The following TMEM132C variants were observed in gnomAD, a reference collection of about 807,000 sequenced individuals.
TMEM132C encodes the protein transmembrane protein 132C.
In TMEM132C, 29 loss-of-function variants were observed where a neutral mutation model predicts 61.4. The observed-to-expected ratio is 0.47, with a 90% CI of 0.35 to 0.64. TMEM132C has a LOEUF of 0.64. Among genes scored for constraint, TMEM132C ranks in the 30% least tolerant of loss-of-function variants. The pLI, the probability that TMEM132C is intolerant of heterozygous loss-of-function variation, is 0.00. For missense variants in TMEM132C, 1,408 were observed against 1,476.9 expected (o/e 0.95, Z 0.76); for synonymous variants, 656 against 633.1 (o/e 1.04, Z -0.54).
chr12:128,515,073 A>C (rs919831512), intron 2 of TMEM132C, among the ~76,000 whole-genome samples: 2 of 152,240 alleles, frequency 1.3e-5, no homozygotes, highest in South Asian at 4.1e-4. Context: ...TCCCTAGCAT[A>C]TTGGACAAGT....
intron 1 of TMEM132C, among the ~76,000 whole-genome samples, chr12:128,304,126 CGTGA>C (rs1871682290): frequency 6.6e-6 from 1 of 152,202 alleles, no homozygotes; most frequent in Non-Finnish European, 1.5e-5. Context: ...TACACAAGTT[CGTGA>C]GTAACAAAAA....
chr12:128,415,831 G>C lies in TMEM132C; in HGVS notation c.974+211G>C, dbSNP rs994420581. On this transcript the variant is annotated intron_variant, in intron 2 of 8. Coordinates refer to ENST00000435159, the MANE Select transcript of TMEM132C (RefSeq NM_001136103.3). This position sits in a 1 kb window ranked among gnomAD's most constrained non-coding sequence, Gnocchi z 5.8. ...GTTATGGAGGGAAGAAGAGGCAAAG[G>C]GCGGGCAGAAATTATTTCCAAAAGG... Among the ~76,000 whole-genome samples the C allele has an allele frequency of 6.6e-6, 1 of 152,118 alleles. No homozygotes were observed. Among genetic ancestry groups the C allele is most frequent in the Non-Finnish European group, 1.5e-5 (1 of 68,014 alleles).
At chr12:128,436,476 G>A (rs1213700093) in intron 2 of TMEM132C, among the ~76,000 whole-genome samples, 1 of 152,198 alleles carries the variant, frequency 6.6e-6, no homozygotes, top group Non-Finnish European at 1.5e-5. Flanking sequence ...CCATCAAAAA[G>A]TGGGCAAAGG....
chr12:128,408,732 G>A (rs528716108), intron 1 of TMEM132C, among the ~76,000 whole-genome samples: 3 of 152,218 alleles, frequency 2.0e-5, no homozygotes, highest in Non-Finnish European at 2.9e-5. Context: ...AGAGGGAGGC[G>A]AATGTGCCCT....
chr12:128,621,684 G>A (rs979773291), intron 4 of TMEM132C, among the ~76,000 whole-genome samples: 5 of 152,160 alleles, frequency 3.3e-5, no homozygotes, highest in African/African-American at 7.2e-5. Context: ...TCATCTGCCC[G>A]GCCTGATGTG....
At chr12:128,347,618 G>GGGTT (rs1873209342) in intron 1 of TMEM132C, among the ~76,000 whole-genome samples, 1 of 152,178 alleles carries the variant, frequency 6.6e-6, no homozygotes, top group Admixed American at 6.5e-5. Flanking sequence ...AGTAGAGACA[G>GGGTT]GGTTTCTCCA....
intron 3 of TMEM132C, among the ~76,000 whole-genome samples, chr12:128,602,029 A>G (rs1337525363): frequency 6.6e-6 from 1 of 152,092 alleles, no homozygotes; most frequent in Non-Finnish European, 1.5e-5. Context: ...CAATGTACCG[A>G]GACCCTCTCT....
chr12:128,475,172 A>G (rs1190613086), intron 2 of TMEM132C, among the ~76,000 whole-genome samples: 1 of 152,146 alleles, frequency 6.6e-6, no homozygotes, highest in Non-Finnish European at 1.5e-5. Context: ...TGGGGAGGTC[A>G]GGTTACAGCC....
chr12:128,346,055 A>T lies in TMEM132C; in HGVS notation c.86-68677A>T, dbSNP rs75412224. 5.0e-3 allele frequency among the ~76,000 whole-genome samples: 766 copies of T among 152,162 alleles called. 6 individuals are homozygous for T. The highest frequency in any genetic ancestry group is 0.018 in the African/African-American group (729 of 41,486). ...TAAGTCTTTAATCCATCTTGAGTTA[A>T]TTTTTGTATATGGTATCCTTTGTAT... is the stretch of plus-strand genomic sequence containing the variant. On this transcript the variant is annotated intron_variant, in intron 1 of 8. Transcript: ENST00000435159.
chr12:128,502,670 ATC>A (rs1357742824), intron 2 of TMEM132C, among the ~76,000 whole-genome samples: 1 of 152,214 alleles, frequency 6.6e-6, no homozygotes, highest in Non-Finnish European at 1.5e-5. Context: ...AAGTGAAGAC[ATC>A]GGCAATTGGC....
Position 128,358,054 on chromosome 12 carries a change from A to G in TMEM132C, c.86-56678A>G, listed in dbSNP as rs1030029001. ...TCCCATCCCTGCATTGAGTCATTCA[A>G]TCTGTGGGGAGAGACCCCTGTGAGC... On this transcript the variant is annotated intron_variant, in intron 1 of 8. Transcript: ENST00000435159. Among the ~76,000 whole-genome samples the G allele has an allele frequency of 4.6e-5, 7 of 152,094 alleles. No homozygotes were observed. The South Asian group carries it at 6.2e-4, about 14-fold the overall frequency.
Position 128,669,337 on chromosome 12 carries a change from G to A in TMEM132C, c.1306-80G>A, listed in dbSNP as rs1196694721. 7 of 1,494,198 alleles carry A rather than the reference G, an allele frequency of 4.7e-6. No individual in the cohort carries two copies. In the African/African-American group the frequency reaches 8.3e-5, roughly 18 times the overall value. 92.6% of individuals were successfully genotyped at this position (1,494,198 alleles called of 1,614,324 possible). ...AAGGACAGCCTGGTGTTTACCCTGG[G>A]AGATTCCCCCTAGAATTGTCCAGTT... On this transcript the variant is annotated intron_variant, in intron 4 of 8. Transcript: ENST00000435159.
intron 2 of TMEM132C, among the ~76,000 whole-genome samples, chr12:128,435,569 C>T (rs1869561559): frequency 6.6e-6 from 1 of 152,070 alleles, no homozygotes; most frequent in Non-Finnish European, 1.5e-5. Context: ...GAATAAAATA[C>T]CTAGGAATCC....
At chr12:128,626,107 G>A (rs906118470) in intron 4 of TMEM132C, among the ~76,000 whole-genome samples, 1 of 150,922 alleles carries the variant, frequency 6.6e-6, no homozygotes, top group Non-Finnish European at 1.5e-5. Flanking sequence ...TTGAATTTTG[G>A]TAACTGCATT....
At chr12:128,404,090 C>T (rs1238011077) in intron 1 of TMEM132C, among the ~76,000 whole-genome samples, 1 of 152,182 alleles carries the variant, frequency 6.6e-6, no homozygotes, top group Non-Finnish European at 1.5e-5. Flanking sequence ...CTGCAGACGT[C>T]ACCAAGTGTT....
At chr12:128,430,422 A>G (rs958890699) in intron 2 of TMEM132C, among the ~76,000 whole-genome samples, 22 of 152,222 alleles carry the variant, frequency 1.4e-4, no homozygotes, top group African/African-American at 5.1e-4. Flanking sequence ...TTGATTTGCA[A>G]ACATAATGAG....
At chr12:128,427,885 C>A (rs945732875) in intron 2 of TMEM132C, among the ~76,000 whole-genome samples, 1 of 152,216 alleles carries the variant, frequency 6.6e-6, no homozygotes, top group Non-Finnish European at 1.5e-5. Flanking sequence ...ATGAAGGCTT[C>A]TTTCTGTTGA....
intron 3 of TMEM132C, among the ~76,000 whole-genome samples, chr12:128,597,040 G>A (rs948485837): frequency 2.0e-5 from 3 of 152,180 alleles, no homozygotes; most frequent in East Asian, 1.9e-4. Flanking sequence ...CCCCCTAGAA[G>A]TGAGTTTCCT....
intron 8 of TMEM132C, among the ~76,000 whole-genome samples, chr12:128,703,883 T>C (rs185674801): frequency 9.1e-4 from 139 of 152,350 alleles, no homozygotes; most frequent in African/African-American, 3.2e-3. Context: ...GTCTGTTTTA[T>C]GATTAGGATT....
Sources: gnomAD v4.1 joint callset for allele counts (sites outside exome capture counted in the v4.1 genomes callset) on GRCh38, gnomAD v4.1.1 for gene constraint, Gnocchi (gnomAD v3.1) non-coding constraint, MANE v1.5 for transcripts, NCBI Gene and HGNC (gene_info 2026-07-23, HGNC 2026-07-21) for gene names.